MYO3A: variants seen among roughly 807,000 people sequenced by gnomAD.
MYO3A encodes the protein myosin IIIA.
MYO3A carries 180 observed loss-of-function variants against 192.7 expected under a neutral mutation model. That is an observed-to-expected ratio of 0.93 (90% CI 0.83 to 1.06). MYO3A has a LOEUF of 1.06. Among genes scored for constraint, MYO3A ranks in the 50% least tolerant of loss-of-function variants. The pLI is 0.00. For missense variants in MYO3A, 1,896 were observed against 1,905.0 expected (o/e 1.00, Z 0.09); for synonymous variants, 628 against 645.3 (o/e 0.97, Z 0.41).
Position 26,166,008 on chromosome 10 carries a change from A to G in MYO3A, c.3000-59A>G, listed in dbSNP as rs1347849328. 6 of 1,383,120 alleles carry G rather than the reference A, an allele frequency of 4.3e-6. No homozygotes were observed. In the East Asian group the frequency reaches 1.4e-4, roughly 32 times the overall value. 85.7% of individuals were successfully genotyped at this position (1,383,120 alleles called of 1,614,324 possible). A position where few individuals can be genotyped will look rare whatever the true frequency, so the allele number is the denominator to read the frequency against. On this transcript the variant is annotated intron_variant, in intron 26 of 34. Coordinates refer to ENST00000642920, the MANE Select transcript of MYO3A (RefSeq NM_017433.5). ...TGCACTAAGTTGTTGGGGAACCACCAAGCTACAGAGATGTTGGCACTTTAT... is the reference window on the plus strand; with the variant it reads ...TGCACTAAGTTGTTGGGGAACCACCGAGCTACAGAGATGTTGGCACTTTAT...
At position 25,938,885 on chromosome 10, in the gene MYO3A, T is replaced by C. The variant is rs1176485044; in HGVS notation, c.-18+3055T>C. Among the ~76,000 whole-genome samples the C allele has an allele frequency of 3.9e-5, 6 of 152,316 alleles. No homozygotes were observed. In the East Asian group the frequency reaches 1.2e-3, roughly 29 times the overall value. On this transcript the variant is annotated intron_variant, in intron 2 of 34. Transcript: ENST00000642920. Reference sequence around the variant, plus strand: ...AAGAAAACATGCCCGTGTTCACTTATGAAGCAGTTATTACTAAGGTGGGTT... The same window carrying C: ...AAGAAAACATGCCCGTGTTCACTTACGAAGCAGTTATTACTAAGGTGGGTT...
chr10:26,090,667 CAT>C (rs1461958703), intron 15 of MYO3A, among the ~76,000 whole-genome samples: 2 of 152,156 alleles, frequency 1.3e-5, no homozygotes, highest in Non-Finnish European at 2.9e-5. Context: ...AAATATCAGA[CAT>C]GTGATTGATG....
In MYO3A at chr10:26,212,170, C is replaced by T. The variant is rs1005656192; in HGVS notation, c.*207C>T. The T allele has an allele frequency of 3.0e-6, 2 of 676,396 alleles. No individual in the cohort carries two copies. 41.9% of individuals were successfully genotyped at this position (676,396 alleles called of 1,614,324 possible). On this transcript the variant is annotated 3_prime_UTR_variant, in exon 35 of 35. Coordinates refer to ENST00000642920, the MANE Select transcript of MYO3A (RefSeq NM_017433.5). ...AGACCTGGGAGCCCTCGGGAAACCTCCCCCGACGCTCTCTCTCGGAACTCC... is the reference window on the plus strand; with the variant it reads ...AGACCTGGGAGCCCTCGGGAAACCTTCCCCGACGCTCTCTCTCGGAACTCC...
intron 4 of MYO3A, among the ~76,000 whole-genome samples, chr10:25,986,579 C>T (rs1588707129): frequency 1.3e-5 from 2 of 152,124 alleles, no homozygotes; most frequent in South Asian, 4.2e-4. Flanking sequence ...AGTGGAGAAT[C>T]AAATCAAGAA....
intron 19 of MYO3A, among the ~76,000 whole-genome samples, chr10:26,127,816 A>G (rs1400291716): frequency 6.6e-6 from 1 of 151,792 alleles, no homozygotes; most frequent in African/African-American, 2.4e-5. Context: ...TTATATTTTA[A>G]AGTATTTAAA....
chr10:26,170,372 T>C lies in MYO3A; in HGVS notation c.3275-44T>C, dbSNP rs767046855. 5.6e-6 allele frequency: 9 copies of C among 1,600,024 alleles called. No homozygotes were observed. The African/African-American group carries it at 8.1e-5, about 14-fold the overall frequency. ...TCTACTCTTTAAAGTAAATTTCTTT[T>C]ATTTGTTTATAATTAACACTACTAT... On this transcript the variant is annotated intron_variant, in intron 28 of 34. Transcript: ENST00000642920.
rs180800792 is a variant in MYO3A at position 26,015,917 on chromosome 10, G to T, written c.509-903G>T. ...TACCTTTCCTCTACTTGGCTTTTAA[G>T]ATAAGCAACCAAAGCCTAAAATTAA... On this transcript the variant is annotated intron_variant, in intron 6 of 34. Transcript: ENST00000642920. Among the ~76,000 whole-genome samples, 9 of 152,200 alleles carry T rather than the reference G, an allele frequency of 5.9e-5. No individual in the cohort carries two copies. In the East Asian group the frequency reaches 1.7e-3, roughly 29 times the overall value.
At chr10:26,163,005 A>G (rs970434643) in intron 26 of MYO3A, among the ~76,000 whole-genome samples, 4 of 152,274 alleles carry the variant, frequency 2.6e-5, no homozygotes, top group African/African-American at 4.8e-5. Flanking sequence ...AGTGAGTTAC[A>G]CATACGAAGG....
intron 19 of MYO3A, 79 bp downstream of exon 19, chr10:26,125,687 G>T: frequency 8.2e-7 from 1 of 1,215,890 alleles, no homozygotes; most frequent in Non-Finnish European, 1.2e-6. Flanking sequence ...GTTTTGTATA[G>T]ATCTCTTTCA....
intron 10 of MYO3A, among the ~76,000 whole-genome samples, chr10:26,029,705 T>C (rs970931918): frequency 3.9e-5 from 6 of 151,920 alleles, no homozygotes; most frequent in Non-Finnish European, 5.9e-5. Flanking sequence ...GTAATTCCGC[T>C]TTTTTTCTCT....
At chr10:26,128,110 C>T (rs1017460160) in intron 19 of MYO3A, among the ~76,000 whole-genome samples, 8 of 152,014 alleles carry the variant, frequency 5.3e-5, no homozygotes, top group African/African-American at 1.7e-4. Context: ...TGACTTTGTT[C>T]TTAGGAGAAG....
intron 10 of MYO3A, among the ~76,000 whole-genome samples, chr10:26,051,053 A>C (rs919212987): frequency 6.6e-6 from 1 of 152,208 alleles, no homozygotes; most frequent in African/African-American, 2.4e-5. Flanking sequence ...AAAATAGTGC[A>C]CAGCTGTAGT....
intron 26 of MYO3A, among the ~76,000 whole-genome samples, chr10:26,164,547 G>A (rs1003439891): frequency 2.6e-5 from 4 of 152,130 alleles, no homozygotes; most frequent in African/African-American, 7.2e-5. Flanking sequence ...AAAGCAGGAC[G>A]CAATTAAGTC....
rs199843655 is a variant in MYO3A at position 26,176,814 on chromosome 10, T to G, written c.4407T>G (p.Asn1469Lys). 2 of 1,614,062 alleles carry G rather than the reference T, an allele frequency of 1.2e-6. No homozygotes were observed. The highest frequency in any genetic ancestry group is 2.7e-5 in the African/African-American group (2 of 74,938). The change falls in exon 31 of 35, where the codon AAT becomes AAG. Residue 1469 changes from asparagine to lysine, a missense_variant. Transcript: ENST00000642920. ...YLGVSHHKPI[N>K]RRVSSQQCLS... The stretch of plus-strand genomic sequence containing the variant: ...GTGTCTCGCACCATAAGCCAATTAA[T>G]AGACGAGTTTCTTCTCAGCAGTGCC...
At chr10:26,162,798 C>T (rs558851917) in intron 26 of MYO3A, among the ~76,000 whole-genome samples, 3 of 152,308 alleles carry the variant, frequency 2.0e-5, no homozygotes, top group South Asian at 2.1e-4. Flanking sequence ...CACACACGGG[C>T]GCACTAGTGA....
At chr10:26,079,189 T>C (rs1466521852) in intron 14 of MYO3A, among the ~76,000 whole-genome samples, 2 of 152,124 alleles carry the variant, frequency 1.3e-5, no homozygotes, top group Non-Finnish European at 2.9e-5. Flanking sequence ...AAATCTGGGA[T>C]CTCCAGTGTT....
intron 10 of MYO3A, among the ~76,000 whole-genome samples, chr10:26,035,387 C>A (rs1261682937): frequency 6.6e-6 from 1 of 152,144 alleles, no homozygotes; most frequent in Non-Finnish European, 1.5e-5. Flanking sequence ...TAAAGGAATT[C>A]AAGTAAAGAA....
intron 4 of MYO3A, among the ~76,000 whole-genome samples, chr10:25,984,197 C>T (rs967530950): frequency 1.3e-5 from 2 of 152,130 alleles, no homozygotes; most frequent in Non-Finnish European, 2.9e-5. Flanking sequence ...AACAATAACA[C>T]AATGAAAAAC....
At chr10:26,088,748 T>A (rs1257671976) in intron 15 of MYO3A, among the ~76,000 whole-genome samples, 1 of 152,156 alleles carries the variant, frequency 6.6e-6, no homozygotes, top group Non-Finnish European at 1.5e-5. Flanking sequence ...AGTAACTGAG[T>A]CCTTTTCTGT....
Sources: gnomAD v4.1 joint callset for allele counts (sites outside exome capture counted in the v4.1 genomes callset) on GRCh38, gnomAD v4.1.1 for gene constraint, MANE v1.5 for transcripts, NCBI Gene and HGNC (gene_info 2026-07-23, HGNC 2026-07-21) for gene names.